FAM135A: variants seen among roughly 807,000 people sequenced by gnomAD.
The protein encoded by FAM135A is protein FAM135A.
FAM135A carries 79 observed loss-of-function variants against 146.8 expected under a neutral mutation model. That is an observed-to-expected ratio of 0.54 (90% CI 0.45 to 0.65). The LOEUF is 0.65. FAM135A is among the 30% of genes least tolerant of loss of function. FAM135A has a pLI of 0.00. For missense variants in FAM135A, 1,623 were observed against 1,758.2 expected, an observed-to-expected ratio of 0.92 and a Z score of 1.38; for synonymous variants, 562 against 603.6, an observed-to-expected ratio of 0.93 and a Z score of 1.01.
At chr6:70,528,213 T>C (rs1439961426) in intron 15 of FAM135A, 79 bp from the exon 16 acceptor site, 1 of 1,386,320 alleles carries the variant, frequency 7.2e-7, no homozygotes, top group Non-Finnish European at 9.6e-7. Context: ...TTTCCACTTC[T>C]ACAATTCTCT....
chr6:70,549,120 A>G (rs1799362032), intron 20 of FAM135A, among the ~76,000 whole-genome samples: 1 of 152,086 alleles, frequency 6.6e-6, no homozygotes, highest in African/African-American at 2.4e-5. Flanking sequence ...TTTTAAGAAC[A>G]TACTCAACAA....
rs565170957 is a variant in FAM135A, at chr6:70,539,297, AC to A, written c.4228+897del. On this transcript the variant is annotated intron_variant, in intron 20 of 21. Transcript: ENST00000418814. Reference sequence around the variant, plus strand: ...CTGGCTACAGAGTGGAGTTTGGCAAACTTTTTTTTAAAAAAGGCCAGATAGT... The same window carrying A: ...CTGGCTACAGAGTGGAGTTTGGCAAATTTTTTTTAAAAAAGGCCAGATAGT... Among the ~76,000 whole-genome samples, 476 of 152,182 alleles carry A rather than the reference AC, an allele frequency of 3.1e-3. 3 individuals are homozygous for A. Among genetic ancestry groups the A allele is most frequent in the African/African-American group, 0.011 (451 of 41,508 alleles).
rs539627103 is a variant in FAM135A at position 70,467,718 on chromosome 6, CCTT to C, written c.158-7691_158-7689del. ...CCCACTCCCTTTCTCCTTCTTTTCTCCTTTTCTTCTCTCCTTCCCTCTCTCTCA... is the reference window on the plus strand; with the variant it reads ...CCCACTCCCTTTCTCCTTCTTTTCTCTTCTTCTCTCCTTCCCTCTCTCTCA... On this transcript the variant is annotated intron_variant, in intron 5 of 21. Transcript: ENST00000418814. Among the ~76,000 whole-genome samples the C allele has an allele frequency of 1.2e-4, 19 of 152,004 alleles. No homozygotes were observed. In the South Asian group the frequency reaches 3.5e-3, roughly 28 times the overall value.
At chr6:70,545,038 T>G (rs556177338) in intron 20 of FAM135A, among the ~76,000 whole-genome samples, 33 of 150,172 alleles carry the variant, frequency 2.2e-4, no homozygotes, top group African/African-American at 7.8e-4. Context: ...GCAACAAGAC[T>G]GAAACTCTGT....
At chr6:70,432,569 C>G (rs925306147) in intron 4 of FAM135A, among the ~76,000 whole-genome samples, 3 of 152,016 alleles carry the variant, frequency 2.0e-5, no homozygotes, top group Admixed American at 1.3e-4. Context: ...CTTTATAGCC[C>G]CCTACCTAAG....
intron 5 of FAM135A, among the ~76,000 whole-genome samples, chr6:70,455,656 G>C (rs1237069365): frequency 6.6e-6 from 1 of 152,042 alleles, no homozygotes; most frequent in Non-Finnish European, 1.5e-5. Flanking sequence ...TAGATTTCTA[G>C]CTCAGTTTTT....
chr6:70,478,223 A>AT (rs1395575748), intron 8 of FAM135A, among the ~76,000 whole-genome samples: 1 of 152,072 alleles, frequency 6.6e-6, no homozygotes, highest in East Asian at 1.9e-4. Flanking sequence ...TGAGATAATT[A>AT]TTTTTTTCTG....
At chr6:70,479,529 A>T (rs1053923108) in intron 8 of FAM135A, among the ~76,000 whole-genome samples, 12 of 152,070 alleles carry the variant, frequency 7.9e-5, no homozygotes, top group Non-Finnish European at 4.4e-5. Context: ...CAGCATCTTT[A>T]CCAGCCTTTC....
At chr6:70,519,493 C>T (rs1793058979) in intron 12 of FAM135A, among the ~76,000 whole-genome samples, 4 of 152,194 alleles carry the variant, frequency 2.6e-5, no homozygotes, top group Admixed American at 2.0e-4. Context: ...AACTGCATCA[C>T]ATGCTAAGGA....
In FAM135A at chr6:70,536,268, G is replaced by T. The variant is rs1356822333; in HGVS notation, c.3974G>T (p.Gly1325Val). The change falls in exon 19 of 22, where the codon GGA becomes GTA. Residue 1325 changes from glycine (G) to valine (V), a missense_variant. Physicochemically the swap from Gly to Val is moderately radical, Grantham distance 109. Around this residue, in one of 7 missense-constraint regions of FAM135A, gnomAD observed 1,061 missense variants for 1,113.8 expected, o/e 0.95. Coordinates refer to ENST00000418814, the MANE Select transcript of FAM135A (RefSeq NM_001162529.3). The stretch of plus-strand genomic sequence containing the variant: ...TTTTTTTCCTCTTAAAGCTTTATTG[G>T]ACATTCGTTGGGCAATTTAATAATT... ...SLTVSKISFI[G>V]HSLGNLIIRS... The T allele has an allele frequency of 6.2e-7, 1 of 1,604,114 alleles. No homozygotes were observed. The highest frequency in any genetic ancestry group is 8.5e-7 in the Non-Finnish European group (1 of 1,177,144).
At chr6:70,447,953 A>G (rs948010342) in intron 4 of FAM135A, among the ~76,000 whole-genome samples, 2 of 152,160 alleles carry the variant, frequency 1.3e-5, no homozygotes, top group African/African-American at 4.8e-5. Context: ...AGGCCTTGAT[A>G]TAATCGACTA....
chr6:70,507,392 T>C (rs1217113505), intron 12 of FAM135A, among the ~76,000 whole-genome samples: 2 of 152,170 alleles, frequency 1.3e-5, no homozygotes, highest in African/African-American at 4.8e-5. Flanking sequence ...ATTCAGTGTT[T>C]GTACAGGGAC....
chr6:70,429,479 C>G (rs1280971505), intron 4 of FAM135A, among the ~76,000 whole-genome samples: 1 of 151,296 alleles, frequency 6.6e-6, no homozygotes, highest in African/African-American at 2.4e-5. Context: ...CGCTAGTGCA[C>G]TCCAGCCTGG....
rs764487657 is a variant in FAM135A, at chr6:70,522,468, T to A, written c.1030-45T>A. On this transcript the variant is annotated intron_variant, in intron 12 of 21. Transcript: ENST00000418814. ...TTACCATAAGATGCCGGATTGACTT[T>A]TTAAATACGTCATGTTATTAATACT... is the stretch of plus-strand genomic sequence containing the variant. 7 of 1,564,212 alleles carry A rather than the reference T, an allele frequency of 4.5e-6. No homozygotes were observed. In the African/African-American group the frequency reaches 9.5e-5, roughly 21 times the overall value.
At chr6:70,542,581 T>C (rs1798139504) in intron 20 of FAM135A, among the ~76,000 whole-genome samples, 1 of 152,234 alleles carries the variant, frequency 6.6e-6, no homozygotes, top group Non-Finnish European at 1.5e-5. Context: ...TCACCCAGGC[T>C]GGAGTGCAAT....
intron 4 of FAM135A, among the ~76,000 whole-genome samples, chr6:70,438,712 A>G (rs1267381951): frequency 6.6e-6 from 1 of 152,226 alleles, no homozygotes; most frequent in East Asian, 1.9e-4. Flanking sequence ...CGACTTTAGG[A>G]AAGAAAAAAT....
intron 8 of FAM135A, among the ~76,000 whole-genome samples, chr6:70,480,448 A>G (rs1783483079): frequency 6.6e-6 from 1 of 152,192 alleles, no homozygotes; most frequent in Non-Finnish European, 1.5e-5. Context: ...TTTTTGAGAA[A>G]TAGAGGCATC....
At chr6:70,546,901 G>T (rs77653596) in intron 20 of FAM135A, among the ~76,000 whole-genome samples, 2,449 of 152,200 alleles carry the variant, frequency 0.016, 31 homozygotes, top group Non-Finnish European at 0.022. Context: ...GAGCAATGTG[G>T]AAAGTAAAAT....
At chr6:70,516,835 A>G (rs1792381182) in intron 12 of FAM135A, among the ~76,000 whole-genome samples, 1 of 152,052 alleles carries the variant, frequency 6.6e-6, no homozygotes, top group African/African-American at 2.4e-5. Context: ...GTGCCCAGCC[A>G]TAAAATAGTA....
Sources: gnomAD v4.1 joint callset for allele counts (sites outside exome capture counted in the v4.1 genomes callset) on GRCh38, gnomAD v4.1.1 for gene constraint, gnomAD v4.1.1 regional missense constraint, MANE v1.5 for transcripts, NCBI Gene and HGNC (gene_info 2026-07-23, HGNC 2026-07-21) for gene names.